Variants in PRKCE observed in about 807,000 individuals in gnomAD.
PRKCE encodes the protein protein kinase C epsilon.
A neutral mutation model predicts 85.4 loss-of-function variants in PRKCE; 16 were observed. The observed-to-expected ratio is 0.19, with a 90% confidence interval of 0.13 to 0.28. The LOEUF (loss-of-function observed/expected upper bound fraction) is 0.28. Among genes scored for constraint, PRKCE ranks in the 10% least tolerant of loss-of-function variants. PRKCE has a pLI of 1.00. For synonymous variants in PRKCE, 388 were observed against 371.5 expected (o/e 1.04, Z -0.51); for missense variants, 573 against 975.2 (o/e 0.59, Z 5.49).
intron 1 of PRKCE, among the ~76,000 whole-genome samples, chr2:45,841,742 A>G (rs1691368255): frequency 6.6e-6 from 1 of 152,356 alleles, no homozygotes; most frequent in South Asian, 2.1e-4. Context: ...GGGAACACAG[A>G]TGAGGGGCTA....
intron 5 of PRKCE, among the ~76,000 whole-genome samples, chr2:45,982,161 T>C (rs1307018482): frequency 2.6e-5 from 4 of 152,198 alleles, no homozygotes. Flanking sequence ...GCCACCACCT[T>C]GTGCTTCCAG....
chr2:45,701,581 G>A (rs1417876915), intron 1 of PRKCE: 1 of 152,168 alleles, frequency 6.6e-6, no homozygotes, highest in African/African-American at 2.4e-5. Flanking sequence ...TGATACCAAG[G>A]TGGGAGAGCA....
At chr2:45,673,513 C>G (rs947818317) in intron 1 of PRKCE, among the ~76,000 whole-genome samples, 7 of 152,176 alleles carry the variant, frequency 4.6e-5, no homozygotes, top group African/African-American at 1.7e-4. Context: ...GAAACACTGT[C>G]TTAGAATCTG....
chr2:46,065,409 G>A (rs547786493), intron 10 of PRKCE, among the ~76,000 whole-genome samples: 3 of 152,226 alleles, frequency 2.0e-5, no homozygotes, highest in South Asian at 2.1e-4. Flanking sequence ...GTCATTTCAC[G>A]TAAAGAATTT....
intron 1 of PRKCE, among the ~76,000 whole-genome samples, chr2:45,716,702 G>A (rs1220305720): frequency 1.9e-5 from 2 of 106,862 alleles, no homozygotes; most frequent in African/African-American, 7.3e-5. Context: ...AAGGAAGGAA[G>A]GAAGGAAGGA....
intron 2 of PRKCE, among the ~76,000 whole-genome samples, chr2:45,940,127 A>G (rs955740464): frequency 6.6e-6 from 1 of 152,202 alleles, no homozygotes; most frequent in Non-Finnish European, 1.5e-5. Flanking sequence ...GGCATCAGCA[A>G]TGCAAATTGG....
intron 10 of PRKCE, among the ~76,000 whole-genome samples, chr2:46,080,474 C>T (rs1338484516): frequency 6.6e-6 from 1 of 152,154 alleles, no homozygotes; most frequent in Non-Finnish European, 1.5e-5. Flanking sequence ...GTGGGGAAAC[C>T]AACTCTGGAT....
chr2:45,658,757 A>G (rs1268443532), intron 1 of PRKCE, among the ~76,000 whole-genome samples: 1 of 152,250 alleles, frequency 6.6e-6, no homozygotes, highest in African/African-American at 2.4e-5. Flanking sequence ...AAATCAGAAC[A>G]TATGGTCCAG....
chr2:45,666,330 C>T (rs959480069), intron 1 of PRKCE, among the ~76,000 whole-genome samples: 12 of 151,874 alleles, frequency 7.9e-5, no homozygotes, highest in African/African-American at 9.7e-5. Flanking sequence ...AATACCCTTC[C>T]GGTTGCTCAG....
At chr2:45,889,172 G>C (rs1260969047) in intron 2 of PRKCE, among the ~76,000 whole-genome samples, 22 of 152,238 alleles carry the variant, frequency 1.4e-4, no homozygotes, top group Admixed American at 1.4e-3. Context: ...CAGCGACTAA[G>C]AGTATACCGA....
chr2:45,744,855 T>C (rs996835482), intron 1 of PRKCE, among the ~76,000 whole-genome samples: 1 of 152,176 alleles, frequency 6.6e-6, no homozygotes, highest in Non-Finnish European at 1.5e-5. Flanking sequence ...GTGATCCACC[T>C]GCCTTGGCCT....
chr2:46,151,693 C>T (rs1001847691), intron 13 of PRKCE, among the ~76,000 whole-genome samples: 1 of 152,264 alleles, frequency 6.6e-6, no homozygotes, highest in South Asian at 2.1e-4. Flanking sequence ...CCTGTGTCCA[C>T]GACAGCATCA....
At chr2:45,829,516 T>C (rs1326453399) in intron 1 of PRKCE, among the ~76,000 whole-genome samples, 1 of 152,200 alleles carries the variant, frequency 6.6e-6, no homozygotes, top group Non-Finnish European at 1.5e-5. Flanking sequence ...CATCAAACTA[T>C]TTCAGAGAAT....
rs953184812 is a variant in PRKCE at position 46,159,166 on chromosome 2, C to G, written c.1921-440C>G. Among the ~76,000 whole-genome samples the G allele has an allele frequency of 6.6e-6, 1 of 152,110 alleles. No homozygotes were observed. The highest frequency in any genetic ancestry group is 1.5e-5 in the Non-Finnish European group (1 of 68,038). The stretch of plus-strand genomic sequence containing the variant: ...CCTTATCTCAAAAAGGACCGTTGAC[C>G]CCTCCATGTAAATGAGTTTATCAGA... On this transcript the variant is annotated intron_variant, in intron 13 of 14. Coordinates refer to ENST00000306156, the MANE Select transcript of PRKCE (RefSeq NM_005400.3). This position sits in a 1 kb window ranked among gnomAD's most constrained non-coding sequence, Gnocchi z 4.1.
intron 1 of PRKCE, among the ~76,000 whole-genome samples, chr2:45,665,583 C>T (rs1267655373): frequency 6.6e-6 from 1 of 152,188 alleles, no homozygotes; most frequent in East Asian, 1.9e-4. Flanking sequence ...GCTCCTTTGT[C>T]TTCTTTGCTT....
intron 2 of PRKCE, among the ~76,000 whole-genome samples, chr2:45,893,605 G>T (rs12468291): frequency 0.35 from 53,407 of 151,300 alleles, 9,714 homozygotes; most frequent in East Asian, 0.55. Flanking sequence ...CAGGCAATCC[G>T]CCCGCCTCAG....
intron 11 of PRKCE, among the ~76,000 whole-genome samples, chr2:46,127,129 G>C (rs1051534426): frequency 2.0e-5 from 3 of 152,162 alleles, no homozygotes; most frequent in Non-Finnish European, 2.9e-5. Flanking sequence ...GGGAATTCTA[G>C]ATGCTTCAGT....
chr2:45,842,963 T>C, intron 1 of PRKCE, 37 bp from the exon 2 acceptor site: 1 of 1,595,266 alleles, frequency 6.3e-7, no homozygotes, highest in Non-Finnish European at 8.6e-7. Flanking sequence ...GCCCACACAA[T>C]GCACTAACAG....
chr2:45,730,930 T>C (rs1681518675), intron 1 of PRKCE, among the ~76,000 whole-genome samples: 1 of 152,192 alleles, frequency 6.6e-6, no homozygotes, highest in South Asian at 2.1e-4. Flanking sequence ...ATTTTTACCT[T>C]TATGGAGCAA....
Sources: allele counts gnomAD v4.1 joint callset (sites outside exome capture counted in the v4.1 genomes callset), GRCh38; gene constraint gnomAD v4.1.1; non-coding constraint Gnocchi (gnomAD v3.1); transcripts MANE v1.5; gene names NCBI Gene and HGNC (gene_info 2026-07-23, HGNC 2026-07-21).